The following FAM120A variants were observed in gnomAD, a reference collection of about 807,000 sequenced individuals.
FAM120A encodes family with sequence similarity 120 member A, also known as constitutive coactivator of PPAR-gamma-like protein 1.
In FAM120A, 15 loss-of-function variants were observed where a neutral mutation model predicts 109.7. The observed-to-expected ratio is 0.14, with a 90% CI of 0.09 to 0.21. The LOEUF (loss-of-function observed/expected upper bound fraction) is 0.21. Ranked by LOEUF, FAM120A falls within the 10% of genes least tolerant of loss-of-function variation. The pLI, the probability that FAM120A is intolerant of heterozygous loss-of-function variation, is 1.00. For synonymous variants in FAM120A, 493 were observed against 572.8 expected (o/e 0.86, Z 1.99); for missense variants, 899 against 1,439.3 (o/e 0.62, Z 6.07).
intron 7 of FAM120A, among the ~76,000 whole-genome samples, chr9:93,526,889 C>T (rs1455218539): frequency 2.6e-5 from 4 of 152,220 alleles, no homozygotes; most frequent in East Asian, 1.9e-4. Context: ...TCCTCTATAG[C>T]GCTAAGCAAA....
intron 1 of FAM120A, chr9:93,453,022 T>C: frequency 8.5e-7 from 1 of 1,173,020 alleles, no homozygotes; most frequent in Non-Finnish European, 1.1e-6. Flanking sequence ...CTATGGCTTT[T>C]TGTGTTAGAT....
chr9:93,483,683 A>T (rs1406140302), intron 3 of FAM120A, among the ~76,000 whole-genome samples: 1 of 152,228 alleles, frequency 6.6e-6, no homozygotes, highest in Non-Finnish European at 1.5e-5. Flanking sequence ...TGTAATAAAA[A>T]TGTCTGTCTT....
At chr9:93,554,179 A>T (rs1463368568) in intron 12 of FAM120A, among the ~76,000 whole-genome samples, 2 of 147,430 alleles carry the variant, frequency 1.4e-5, no homozygotes, top group African/African-American at 5.2e-5. Flanking sequence ...ACACACACAC[A>T]CTAGCCTTGC....
chr9:93,526,725 G>A (rs1169289158), intron 7 of FAM120A, among the ~76,000 whole-genome samples: 1 of 152,152 alleles, frequency 6.6e-6, no homozygotes, highest in Non-Finnish European at 1.5e-5. Flanking sequence ...GTGTATTGTC[G>A]CCTTACATTT....
At chr9:93,518,342 A>T (rs755818996) in intron 7 of FAM120A, among the ~76,000 whole-genome samples, 4 of 152,168 alleles carry the variant, frequency 2.6e-5, no homozygotes, top group Non-Finnish European at 5.9e-5. Flanking sequence ...AGTGTGTTGA[A>T]TTGGTTGTAT....
chr9:93,459,462 C>T (rs1329156936), intron 1 of FAM120A, among the ~76,000 whole-genome samples: 2 of 151,962 alleles, frequency 1.3e-5, no homozygotes, highest in Non-Finnish European at 2.9e-5. Context: ...GACTGGTTCC[C>T]AATGGTGATT....
chr9:93,518,900 C>T (rs1213756593), intron 7 of FAM120A, among the ~76,000 whole-genome samples: 1 of 152,214 alleles, frequency 6.6e-6, no homozygotes, highest in African/African-American at 2.4e-5. Context: ...AATTCATAAA[C>T]TTCCTTAAAA....
chr9:93,467,260 T>G, intron 1 of FAM120A, among the ~76,000 whole-genome samples: 1 of 27,460 alleles, frequency 3.6e-5, no homozygotes. Flanking sequence ...CCCCCCCCCT[T>G]TTCCCCCATT....
intron 10 of FAM120A, among the ~76,000 whole-genome samples, chr9:93,535,720 A>G (rs1861490708): frequency 6.6e-6 from 1 of 152,200 alleles, no homozygotes; most frequent in Non-Finnish European, 1.5e-5. Context: ...TTTTTATGTC[A>G]GTGATATATC....
chr9:93,522,538 A>G (rs918751945), intron 7 of FAM120A, among the ~76,000 whole-genome samples: 1 of 152,216 alleles, frequency 6.6e-6, no homozygotes, highest in Admixed American at 6.5e-5. Context: ...CCAATATTTA[A>G]TAAGATCTAT....
At chr9:93,544,460 TG>T (rs1437359458) in intron 11 of FAM120A, among the ~76,000 whole-genome samples, 1 of 152,242 alleles carries the variant, frequency 6.6e-6, no homozygotes, top group Non-Finnish European at 1.5e-5. Flanking sequence ...GTTGACGTTT[TG>T]AAGTTCAGTT....
chr9:93,479,137 C>T (rs1858686490), intron 3 of FAM120A, among the ~76,000 whole-genome samples: 1 of 130,006 alleles, frequency 7.7e-6, no homozygotes, highest in South Asian at 2.4e-4. Flanking sequence ...CTCGCTCTGT[C>T]GCCCAGGCTG....
intron 9 of FAM120A, among the ~76,000 whole-genome samples, chr9:93,531,721 A>G (rs1861337875): frequency 6.6e-6 from 1 of 152,162 alleles, no homozygotes; most frequent in Admixed American, 6.5e-5. Context: ...TGACCATTAT[A>G]TTTTCAGGAT....
chr9:93,520,740 T>C (rs1314600413), intron 7 of FAM120A, among the ~76,000 whole-genome samples: 1 of 152,056 alleles, frequency 6.6e-6, no homozygotes, highest in African/African-American at 2.4e-5. Context: ...GTCATCAGGG[T>C]TCATTGCACA....
At position 93,527,614 on chromosome 9, in the gene FAM120A, A is replaced by ATTTTTTTTTTTTTTTTT. The variant is rs67894788; in HGVS notation, c.1506+382_1506+398dup. Among the ~76,000 whole-genome samples, 22 of 80,700 alleles carry ATTTTTTTTTTTTTTTTT rather than the reference A, an allele frequency of 2.7e-4. 2 individuals carry two copies. The highest frequency in any genetic ancestry group is 4.4e-4 in the East Asian group (1 of 2,256). The allele number at this position is 80,700 out of a possible 152,430, so 52.9% of individuals were successfully genotyped here. A position where few individuals can be genotyped will look rare whatever the true frequency, so the allele number is the denominator to read the frequency against. On this transcript the variant is annotated intron_variant, in intron 8 of 17. Transcript: ENST00000277165. ...CTTTTTAAAAAAATTTTTGTATTTA[A>ATTTTTTTTTTTTTTTTT]TTTTTTTTTTTTTTTTTTTTTTTTT...
chr9:93,452,002 C>A lies in FAM120A; in HGVS notation c.87C>A (p.Gly29=). 1 of 1,551,782 alleles carries A rather than the reference C, an allele frequency of 6.4e-7. No individual in the cohort carries two copies. ...VPVELQKLAR[G]SLVGGGRQRP... The stretch of plus-strand genomic sequence containing the variant: ...TGGAGCTGCAGAAGCTGGCCCGGGG[C>A]AGCCTGGTGGGCGGCGGGCGGCAGC... Residue 29 remains glycine (G), a synonymous_variant, in exon 1 of 18, where the codon GGC becomes GGA. Transcript: ENST00000277165. This position sits in a 1 kb window ranked among gnomAD's most constrained non-coding sequence, Gnocchi z 7.0.
At chr9:93,523,601 A>G (rs1482798935) in intron 7 of FAM120A, among the ~76,000 whole-genome samples, 2 of 152,194 alleles carry the variant, frequency 1.3e-5, no homozygotes, top group Non-Finnish European at 2.9e-5. Context: ...GACATTTCGT[A>G]TTGATCTTAA....
chr9:93,511,205 GGCCTTGTACTTA>G (rs1860303437), intron 5 of FAM120A, among the ~76,000 whole-genome samples: 3 of 152,102 alleles, frequency 2.0e-5, no homozygotes, highest in African/African-American at 7.2e-5. Context: ...ACTTCTCATG[GGCCTTGTACTTA>G]GCCTTCTTCA....
chr9:93,564,573 A>G lies in FAM120A; in HGVS notation c.*33A>G. ...TTTTATAGAGGGTGAAGGATGCTGG[A>G]AGGGTAAGGATTTAGGAATATCTGG... On this transcript the variant is annotated 3_prime_UTR_variant, in exon 18 of 18. Transcript: ENST00000277165. 1 of 1,543,046 alleles carries G rather than the reference A, an allele frequency of 6.5e-7. No individual in the cohort carries two copies. Among genetic ancestry groups the G allele is most frequent in the South Asian group, 1.2e-5 (1 of 85,072 alleles).
Sources: gnomAD v4.1 joint callset for allele counts (sites outside exome capture counted in the v4.1 genomes callset) on GRCh38, gnomAD v4.1.1 for gene constraint, Gnocchi (gnomAD v3.1) non-coding constraint, MANE v1.5 for transcripts, NCBI Gene and HGNC (gene_info 2026-07-23, HGNC 2026-07-21) for gene names.